The following CNTNAP2 variants were observed in gnomAD, a reference collection of about 807,000 sequenced individuals.
CNTNAP2 encodes the protein contactin associated protein 2.
Under a neutral mutation model 155.2 loss-of-function variants are expected in CNTNAP2, and 98 were observed. The observed-to-expected ratio is 0.63, with a 90% CI of 0.54 to 0.75. CNTNAP2 has a LOEUF of 0.75. CNTNAP2 is among the 30% of genes least tolerant of loss of function. The pLI, the probability that CNTNAP2 is intolerant of heterozygous loss-of-function variation, is 0.00. For synonymous variants in CNTNAP2, 651 were observed against 631.2 expected, an observed-to-expected ratio of 1.03 and a Z score of -0.47; for missense variants, 1,727 against 1,688.1, an observed-to-expected ratio of 1.02 and a Z score of -0.40.
At chr7:146,341,520 G>A (rs867633585) in intron 1 of CNTNAP2, among the ~76,000 whole-genome samples, 3 of 152,136 alleles carry the variant, frequency 2.0e-5, no homozygotes, top group Middle Eastern at 3.4e-3. Flanking sequence ...AAACAGTTGC[G>A]ACAATTTTGT....
chr7:146,614,854 C>T (rs1338316386), intron 1 of CNTNAP2, among the ~76,000 whole-genome samples: 1 of 151,996 alleles, frequency 6.6e-6, no homozygotes, highest in Non-Finnish European at 1.5e-5. Context: ...GTGTCATTAC[C>T]GTATGGATAC....
intron 13 of CNTNAP2, among the ~76,000 whole-genome samples, chr7:147,722,669 C>T (rs751815972): frequency 2.0e-5 from 3 of 152,090 alleles, no homozygotes; most frequent in African/African-American, 7.2e-5. Context: ...TACCTCCAGA[C>T]CCCTAATGAC....
At chr7:146,579,357 T>A (rs1798574914) in intron 1 of CNTNAP2, among the ~76,000 whole-genome samples, 2 of 152,022 alleles carry the variant, frequency 1.3e-5, no homozygotes, top group South Asian at 2.1e-4. Context: ...CCATTAGAAA[T>A]CTTAAAGATG....
At chr7:146,633,832 GAAAAAAAAAAAAA>G (rs60993956) in intron 1 of CNTNAP2, among the ~76,000 whole-genome samples, 1 of 79,048 alleles carries the variant, frequency 1.3e-5, no homozygotes, top group Non-Finnish European at 2.2e-5. Context: ...TGCATCTAGA[GAAAAAAAAAAAAA>G]AAAAAAAAAA....
chr7:147,059,228 T>C (rs1322919862), intron 4 of CNTNAP2, among the ~76,000 whole-genome samples: 2 of 152,200 alleles, frequency 1.3e-5, no homozygotes, highest in African/African-American at 2.4e-5. Flanking sequence ...TGTGAAAATA[T>C]GTTCTATTGA....
chr7:148,275,864 T>C (rs962733584), intron 21 of CNTNAP2, among the ~76,000 whole-genome samples: 3 of 152,116 alleles, frequency 2.0e-5, no homozygotes, highest in African/African-American at 7.2e-5. Context: ...AAGCAGACCC[T>C]ACCTCTTGGT....
chr7:146,786,615 A>C (rs1802578675), intron 2 of CNTNAP2, among the ~76,000 whole-genome samples: 1 of 152,228 alleles, frequency 6.6e-6, no homozygotes, highest in Non-Finnish European at 1.5e-5. Flanking sequence ...TATTGCTGAC[A>C]ATAAAACATG....
chr7:146,233,413 A>G (rs558769230), intron 1 of CNTNAP2, among the ~76,000 whole-genome samples: 2 of 152,188 alleles, frequency 1.3e-5, no homozygotes, highest in South Asian at 4.1e-4. Flanking sequence ...AACATGATGA[A>G]GCAGTGACTC....
At chr7:147,121,476 G>T in intron 6 of CNTNAP2, 2 of 297,384 alleles carry the variant, frequency 6.7e-6, no homozygotes, top group Non-Finnish European at 1.3e-5. Flanking sequence ...AGTTAATCAT[G>T]TTATCAATTC....
intron 4 of CNTNAP2, among the ~76,000 whole-genome samples, chr7:147,093,305 A>G (rs1278672956): frequency 1.3e-5 from 2 of 151,634 alleles, no homozygotes; most frequent in East Asian, 1.9e-4. Flanking sequence ...ATGCAGCATT[A>G]TACTTATTTT....
At chr7:148,175,213 C>T (rs1230332013) in intron 18 of CNTNAP2, among the ~76,000 whole-genome samples, 1 of 152,182 alleles carries the variant, frequency 6.6e-6, no homozygotes, top group Non-Finnish European at 1.5e-5. Flanking sequence ...CTGCAATAAA[C>T]ATACATGTGC....
intron 21 of CNTNAP2, among the ~76,000 whole-genome samples, chr7:148,267,470 C>A (rs1796692998): frequency 6.6e-6 from 1 of 151,942 alleles, no homozygotes; most frequent in African/African-American, 2.4e-5. Flanking sequence ...GCCTGGCCAA[C>A]ATGGCAAAAC....
intron 3 of CNTNAP2, among the ~76,000 whole-genome samples, chr7:146,974,386 C>T (rs112974437): frequency 5.4e-4 from 81 of 150,856 alleles, no homozygotes; most frequent in African/African-American, 1.8e-3. Flanking sequence ...TGCAGTGAGC[C>T]GAGATCATGC....
At chr7:148,361,921 G>A (rs532726511) in intron 21 of CNTNAP2, among the ~76,000 whole-genome samples, 17 of 152,114 alleles carry the variant, frequency 1.1e-4, no homozygotes, top group South Asian at 2.1e-4. Flanking sequence ...GGCCGGGCAC[G>A]GTGGCTCACG....
intron 13 of CNTNAP2, among the ~76,000 whole-genome samples, chr7:147,855,238 G>A (rs370169304): frequency 1.3e-5 from 2 of 151,918 alleles, no homozygotes; most frequent in Non-Finnish European, 2.9e-5. Context: ...TAATGAAGGG[G>A]GAGAAGGAGA....
At chr7:147,047,523 A>G (rs940671035) in intron 4 of CNTNAP2, among the ~76,000 whole-genome samples, 3 of 151,660 alleles carry the variant, frequency 2.0e-5, no homozygotes, top group Non-Finnish European at 4.4e-5. Flanking sequence ...CATCTGTTTG[A>G]TTGTTTTAAG....
intron 1 of CNTNAP2, among the ~76,000 whole-genome samples, chr7:146,702,178 C>A (rs1800888915): frequency 6.6e-6 from 1 of 152,060 alleles, no homozygotes; most frequent in South Asian, 2.1e-4. Flanking sequence ...AATCCTACAT[C>A]TATGTACTTA....
chr7:146,395,822 T>G (rs796684856), intron 1 of CNTNAP2, among the ~76,000 whole-genome samples: 64 of 128,534 alleles, frequency 5.0e-4, no homozygotes, highest in African/African-American at 2.1e-3. Flanking sequence ...GATAGATAGA[T>G]AGAGGAGAGA....
At chr7:146,538,394 T>C (rs942848381) in intron 1 of CNTNAP2, among the ~76,000 whole-genome samples, 8 of 152,116 alleles carry the variant, frequency 5.3e-5, no homozygotes, top group African/African-American at 1.4e-4. Context: ...CTTGTGCTCA[T>C]GTTTACCATG....
Sources: allele counts gnomAD v4.1 joint callset (sites outside exome capture counted in the v4.1 genomes callset), GRCh38; gene constraint gnomAD v4.1.1; transcripts MANE v1.5; gene names NCBI Gene and HGNC (gene_info 2026-07-23, HGNC 2026-07-21).